The following LMAN1 variants were observed in gnomAD, a reference collection of about 807,000 sequenced individuals.
The protein encoded by LMAN1 is lectin, mannose binding 1, also known as protein ERGIC-53.
LMAN1 carries 32 observed loss-of-function variants against 67.8 expected under a neutral mutation model. That is an observed-to-expected ratio of 0.47 (90% confidence interval 0.36 to 0.63). The LOEUF (loss-of-function observed/expected upper bound fraction) is 0.63. Among genes scored for constraint, LMAN1 ranks in the 30% least tolerant of loss-of-function variants. LMAN1 has a pLI of 0.00. For missense variants in LMAN1, 632 were observed against 628.2 expected (o/e 1.01, Z -0.06); for synonymous variants, 235 against 219.3 (o/e 1.07, Z -0.63).
chr18:59,358,809 G>C (rs1428190964), intron 1 of LMAN1, among the ~76,000 whole-genome samples: 1 of 152,188 alleles, frequency 6.6e-6, no homozygotes, highest in Admixed American at 6.5e-5. Flanking sequence ...GGGTGAGAGA[G>C]AACAGAATGG....
chr18:59,340,696 A>G lies in LMAN1; in HGVS notation c.956-1743T>C, dbSNP rs75427384. Among the ~76,000 whole-genome samples, 51 of 152,340 alleles carry G rather than the reference A, an allele frequency of 3.3e-4. No individual in the cohort carries two copies. The East Asian group carries it at 7.1e-3, about 21-fold the overall frequency. On this transcript the variant is annotated intron_variant, in intron 8 of 12. Transcript: ENST00000251047. ...TTCACCATGATAAAAACAGAAATAT[A>G]AAATAAAAGTTCTTATAAAACAATC...
In LMAN1 at chr18:59,355,370, T is replaced by C. The variant is rs765379545; in HGVS notation, c.420A>G (p.Ser140=). The change falls in exon 3 of 13, where the codon TCA becomes TCG. Residue 140 remains serine, a synonymous_variant. Transcript: ENST00000251047. ...NQGLEGPVFG[S]ADLWNGVGIF... ...TTCCAACACCATTCCACAGATCAGC[T>C]GATCCAAACACAGGGCCCTCCAAGC... 3 of 1,614,096 alleles carry C rather than the reference T, an allele frequency of 1.9e-6. No individual in the cohort carries two copies. The highest frequency in any genetic ancestry group is 2.2e-5 in the East Asian group (1 of 44,888).
At chr18:59,341,690 G>C (rs1227925793) in intron 8 of LMAN1, among the ~76,000 whole-genome samples, 1 of 152,066 alleles carries the variant, frequency 6.6e-6, no homozygotes, top group African/African-American at 2.4e-5. Flanking sequence ...GAAAAAAGCA[G>C]TGTGAAGAGG....
At chr18:59,337,131 T>C (rs1303369271) in intron 10 of LMAN1, among the ~76,000 whole-genome samples, 1 of 149,540 alleles carries the variant, frequency 6.7e-6, no homozygotes, top group African/African-American at 2.4e-5. Flanking sequence ...ACAGCCAACA[T>C]CATCAGTAAT....
chr18:59,355,194 A>G, intron 3 of LMAN1, 119 bp downstream of exon 3: 1 of 769,592 alleles, frequency 1.3e-6, no homozygotes, highest in Non-Finnish European at 2.3e-6. Flanking sequence ...TTTACCATAT[A>G]GCTTGGGGAG....
intron 8 of LMAN1, among the ~76,000 whole-genome samples, chr18:59,345,160 T>C (rs1221694844): frequency 6.6e-6 from 1 of 152,226 alleles, no homozygotes; most frequent in Non-Finnish European, 1.5e-5. Context: ...TAAGTCTGAC[T>C]CATACTGTTG....
chr18:59,349,344 G>C, intron 5 of LMAN1, 108 bp from the exon 6 acceptor site: 2 of 1,017,230 alleles, frequency 2.0e-6, no homozygotes, highest in African/African-American at 1.6e-5. Flanking sequence ...ATTATAAAGA[G>C]TAATTTTAAA....
chr18:59,331,602 T>C, intron 11 of LMAN1, 63 bp from the exon 12 acceptor site: 2 of 1,548,460 alleles, frequency 1.3e-6, no homozygotes, highest in Non-Finnish European at 1.8e-6. Context: ...AAGAAATAAA[T>C]GTGAAATCTT....
At chr18:59,351,275 G>GA (rs959331255) in intron 5 of LMAN1, 12 of 150,718 alleles carry the variant, frequency 8.0e-5, no homozygotes, top group Middle Eastern at 3.4e-3. Context: ...AAGCATTAGA[G>GA]AAAAAAAAAT....
At chr18:59,349,311 C>A in intron 5 of LMAN1, 75 bp from the exon 6 acceptor site, 2 of 1,306,158 alleles carry the variant, frequency 1.5e-6, no homozygotes, top group Admixed American at 1.7e-5. Flanking sequence ...CATTTTATGA[C>A]TACTATTCAG....
chr18:59,332,489 T>C (rs2070753374), intron 11 of LMAN1, among the ~76,000 whole-genome samples: 2 of 152,192 alleles, frequency 1.3e-5, no homozygotes, highest in Admixed American at 6.5e-5. Context: ...GTCAGTTTAA[T>C]GTAACATTAT....
Position 59,353,208 on chromosome 18 carries a change from T to C in LMAN1, c.633A>G (p.Thr211=), listed in dbSNP as rs776928732. 3 of 1,610,444 alleles carry C rather than the reference T, an allele frequency of 1.9e-6. No homozygotes were observed. The highest frequency in any genetic ancestry group is 2.2e-5 in the East Asian group (1 of 44,864). The change falls in exon 5 of 13, where the codon ACA becomes ACG. Residue 211 remains threonine, a synonymous_variant. Coordinates refer to ENST00000251047, the MANE Select transcript of LMAN1 (RefSeq NM_005570.4). ...CTAAATAGATGTTACTTACTGTCAG[T>C]GTGTTCTGGTAATAGGTAATCTTTG... ...VRAKITYYQN[T]LTVMINNGFT...
chr18:59,345,088 G>A (rs959170359), intron 8 of LMAN1, among the ~76,000 whole-genome samples: 4 of 152,176 alleles, frequency 2.6e-5, no homozygotes, highest in Admixed American at 1.3e-4. Context: ...CAAATTTTAT[G>A]TGATGATGTT....
intron 4 of LMAN1, among the ~76,000 whole-genome samples, chr18:59,354,191 A>C (rs534698655): frequency 5.9e-5 from 9 of 152,286 alleles, no homozygotes; most frequent in African/African-American, 1.9e-4. Context: ...TTTATTTTTT[A>C]AAGATCCCTT....
intron 5 of LMAN1, among the ~76,000 whole-genome samples, 189 bp from the exon 6 acceptor site, chr18:59,349,425 T>C (rs910077274): frequency 8.5e-5 from 13 of 152,164 alleles, no homozygotes; most frequent in Non-Finnish European, 1.8e-4. Flanking sequence ...CCACTATGTG[T>C]CAAAAGTTTA....
At chr18:59,349,399 A>G (rs930246881) in intron 5 of LMAN1, among the ~76,000 whole-genome samples, 163 bp from the exon 6 acceptor site, 5 of 152,234 alleles carry the variant, frequency 3.3e-5, no homozygotes, top group African/African-American at 1.2e-4. Context: ...TTTTACTTAA[A>G]AAAATGAGTT....
chr18:59,356,734 T>C (rs950266216), intron 1 of LMAN1, among the ~76,000 whole-genome samples: 2 of 152,212 alleles, frequency 1.3e-5, no homozygotes, highest in African/African-American at 4.8e-5. Context: ...TGAGTTCAAC[T>C]TCACTGACAC....
intron 1 of LMAN1, among the ~76,000 whole-genome samples, chr18:59,358,624 G>A (rs947544805): frequency 1.7e-4 from 26 of 152,064 alleles, no homozygotes; most frequent in African/African-American, 6.3e-4. Context: ...GGGGCTTCTA[G>A]AACATGTCTC....
chr18:59,331,631 A>G (rs1424781203), intron 11 of LMAN1, 92 bp from the exon 12 acceptor site: 2 of 1,386,924 alleles, frequency 1.4e-6, no homozygotes, highest in Admixed American at 1.8e-5. Flanking sequence ...TGTTTGCTAT[A>G]TAAACAAGTA....
Sources: allele counts gnomAD v4.1 joint callset (sites outside exome capture counted in the v4.1 genomes callset), GRCh38; gene constraint gnomAD v4.1.1; transcripts MANE v1.5; gene names NCBI Gene and HGNC (gene_info 2026-07-23, HGNC 2026-07-21).